The following FRY variants were observed in gnomAD, a reference collection of about 807,000 sequenced individuals.
The protein encoded by FRY is FRY microtubule binding protein, also known as protein furry homolog.
A neutral mutation model predicts 348.4 loss-of-function variants in FRY; 128 were observed. That is an observed-to-expected ratio of 0.37 (90% CI 0.32 to 0.43). The LOEUF (loss-of-function observed/expected upper bound fraction) is 0.43, where lower values mean the gene tolerates loss of function less well. Ranked by LOEUF, FRY falls within the 20% of genes least tolerant of loss-of-function variation. The pLI is 1.00. For missense variants in FRY, 2,736 were observed against 3,695.2 expected (o/e 0.74, Z 6.73); for synonymous variants, 1,370 against 1,374.7 (o/e 1.00, Z 0.08).
At chr13:32,118,762 TA>T (rs1878465352) in intron 4 of FRY, among the ~76,000 whole-genome samples, 1 of 152,204 alleles carries the variant, frequency 6.6e-6, no homozygotes, top group Non-Finnish European at 1.5e-5. Context: ...TCCTCATGAA[TA>T]TTTTTTTAAT....
chr13:32,196,283 T>C (rs1489253302), intron 29 of FRY, among the ~76,000 whole-genome samples: 1 of 152,188 alleles, frequency 6.6e-6, no homozygotes, highest in Non-Finnish European at 1.5e-5. Context: ...ATCTCCTCCT[T>C]TTCAAATAGG....
chr13:32,282,237 C>T (rs977339790), intron 58 of FRY, among the ~76,000 whole-genome samples: 1 of 152,208 alleles, frequency 6.6e-6, no homozygotes, highest in African/African-American at 2.4e-5. Flanking sequence ...TTCTCTCCAA[C>T]ACTCCTGTGT....
chr13:32,202,448 C>G lies in FRY; in HGVS notation c.3939C>G (p.Pro1313=), dbSNP rs755716890. The G allele has an allele frequency of 5.0e-6, 8 of 1,613,692 alleles. No homozygotes were observed. The highest frequency in any genetic ancestry group is 3.4e-6 in the Non-Finnish European group (4 of 1,179,720). The change falls in exon 31 of 61, where the codon CCC becomes CCG. Residue 1313 remains proline (P), a synonymous_variant. Coordinates refer to ENST00000542859, the MANE Select transcript of FRY (RefSeq NM_023037.3). ...ATGGAACACACGGCCCGCTGCCACC[C>G]CTCTACAGCGTGTCACTTGCCCTCT... ...ILYGTHGPLP[P]LYSVSLALLS... is the part of the protein sequence containing the mutation.
intron 1 of FRY, among the ~76,000 whole-genome samples, chr13:32,042,076 C>G (rs1566041611): frequency 6.6e-6 from 1 of 152,082 alleles, no homozygotes; most frequent in Non-Finnish European, 1.5e-5. Context: ...GTTTTGTTAA[C>G]CATGTCAATC....
intron 58 of FRY, among the ~76,000 whole-genome samples, chr13:32,284,972 T>C (rs933527353): frequency 6.6e-6 from 1 of 152,204 alleles, no homozygotes; most frequent in Non-Finnish European, 1.5e-5. Context: ...AGCTATGCAT[T>C]CCTCAATTGT....
intron 1 of FRY, among the ~76,000 whole-genome samples, chr13:32,032,305 G>A (rs1872280768): frequency 6.6e-6 from 1 of 152,164 alleles, no homozygotes; most frequent in Non-Finnish European, 1.5e-5. Flanking sequence ...GGGTTTCAGA[G>A]TACTTTGTAA....
chr13:32,192,888 C>A (rs184608544), intron 28 of FRY, among the ~76,000 whole-genome samples: 46 of 151,850 alleles, frequency 3.0e-4, no homozygotes, highest in African/African-American at 1.0e-3. Flanking sequence ...GGATTACAGG[C>A]GCACACCACC....
intron 1 of FRY, among the ~76,000 whole-genome samples, chr13:32,047,076 T>C (rs1873059442): frequency 6.6e-6 from 1 of 152,232 alleles, no homozygotes. Flanking sequence ...GAGAGCTACA[T>C]AATCATGTAT....
intron 17 of FRY, among the ~76,000 whole-genome samples, chr13:32,165,733 A>G (rs767342953): frequency 2.0e-5 from 3 of 152,176 alleles, no homozygotes; most frequent in Non-Finnish European, 4.4e-5. Flanking sequence ...CTTTTCTTTC[A>G]TGTATCTCTG....
chr13:32,065,305 T>TA (rs1874184378), intron 1 of FRY, among the ~76,000 whole-genome samples: 1 of 151,872 alleles, frequency 6.6e-6, no homozygotes, highest in Non-Finnish European at 1.5e-5. Flanking sequence ...TCACTCTAAT[T>TA]AAAAAAAAAT....
At chr13:32,293,605 C>G (rs1421412679) in intron 59 of FRY, among the ~76,000 whole-genome samples, 1 of 152,190 alleles carries the variant, frequency 6.6e-6, no homozygotes, top group African/African-American at 2.4e-5. Flanking sequence ...AAACAACCAT[C>G]TTCCGTAGTA....
At chr13:32,246,032 G>A (rs1188881756) in intron 47 of FRY, among the ~76,000 whole-genome samples, 1 of 152,218 alleles carries the variant, frequency 6.6e-6, no homozygotes, top group Non-Finnish European at 1.5e-5. Flanking sequence ...ACATAGGGTA[G>A]GCAGTCAGTT....
chr13:32,133,748 TTTTC>T (rs200373890), intron 8 of FRY, among the ~76,000 whole-genome samples: 297 of 143,864 alleles, frequency 2.1e-3, no homozygotes, highest in South Asian at 3.0e-3. Context: ...GGACTCTTTC[TTTTC>T]TTTCTTTCTT....
At position 32,246,713 on chromosome 13, in the gene FRY, G is replaced by C. The variant is rs1011385301; in HGVS notation, c.6829-610G>C. 3.3e-5 allele frequency among the ~76,000 whole-genome samples: 5 copies of C among 152,258 alleles called. No homozygotes were observed. In the East Asian group the frequency reaches 9.6e-4, roughly 29 times the overall value. On this transcript the variant is annotated intron_variant, in intron 47 of 60. Coordinates refer to ENST00000542859, the MANE Select transcript of FRY (RefSeq NM_023037.3). ...ACACCAGTAAGGGGCCATTGAGATA[G>C]TCCAGGCAAGGCCCAAGAGGGTGCC...
chr13:32,212,911 C>T (rs1192580889), intron 35 of FRY, among the ~76,000 whole-genome samples: 2 of 152,138 alleles, frequency 1.3e-5, no homozygotes, highest in Non-Finnish European at 2.9e-5. Context: ...TCTCAGCCTT[C>T]TTATTGCCTT....
chr13:32,150,209 G>A (rs1880712340), intron 14 of FRY, among the ~76,000 whole-genome samples: 2 of 152,148 alleles, frequency 1.3e-5, no homozygotes, highest in Admixed American at 1.3e-4. Flanking sequence ...GAACAAATAT[G>A]TGTAATAATA....
chr13:32,267,192 G>C lies in FRY; in HGVS notation c.7969G>C (p.Val2657Leu), dbSNP rs1335752688. 2 of 1,613,982 alleles carry C rather than the reference G, an allele frequency of 1.2e-6. No individual in the cohort carries two copies. Among genetic ancestry groups the C allele is most frequent in the Non-Finnish European group, 1.7e-6 (2 of 1,179,970 alleles). Residue 2657 changes from valine to leucine, a missense_variant, in exon 55 of 61, where the codon GTC (valine) becomes CTC (leucine). Around this residue, in one of 9 missense-constraint regions of FRY, gnomAD observed 789 missense variants for 996.2 expected, o/e 0.79. Transcript: ENST00000542859. Reference sequence around the variant, plus strand: ...CAGCTTTGGAGAAGGTGACAGGGGAGTCTCTCCCCCTCCCTCGCCCTTCTT... The same window carrying C: ...CAGCTTTGGAGAAGGTGACAGGGGACTCTCTCCCCCTCCCTCGCCCTTCTT... Reference protein sequence around the residue: ...LASFGEGDRGVSPPPSPFFSA... With the variant: ...LASFGEGDRGLSPPPSPFFSA...
At chr13:32,059,718 T>C (rs1368144946) in intron 1 of FRY, among the ~76,000 whole-genome samples, 1 of 152,160 alleles carries the variant, frequency 6.6e-6, no homozygotes, top group Non-Finnish European at 1.5e-5. Context: ...CCCATGTCTA[T>C]TATTCCCCTC....
rs747635522 is a variant in FRY, at chr13:32,236,132, G to C, written c.5770G>C (p.Asp1924His). 2 of 1,614,018 alleles carry C rather than the reference G, an allele frequency of 1.2e-6. No homozygotes were observed. The highest frequency in any genetic ancestry group is 3.3e-5 in the Admixed American group (2 of 60,014). Residue 1924 changes from aspartate (D) to histidine (H), a missense_variant, in exon 43 of 61, where the codon GAC becomes CAC. This residue lies in a region of FRY where 794 missense variants were observed against 977.0 expected (regional missense o/e 0.81). Transcript: ENST00000542859. ...GGAGGCGGCTGTGGATAACTTGTCT[G>C]ACTGCTTGAAGAACAGTGACCTCCT... ...TLEAAVDNLSDCLKNSDLLTV... is the reference protein window; with the variant it reads ...TLEAAVDNLSHCLKNSDLLTV...
Sources: allele counts gnomAD v4.1 joint callset (sites outside exome capture counted in the v4.1 genomes callset), GRCh38; gene constraint gnomAD v4.1.1; regional missense constraint gnomAD v4.1.1; transcripts MANE v1.5; gene names NCBI Gene and HGNC (gene_info 2026-07-23, HGNC 2026-07-21).